COLEC12: variants seen among roughly 807,000 people sequenced by gnomAD.
COLEC12 encodes collectin-12.
In COLEC12, 33 loss-of-function variants were observed where a neutral mutation model predicts 71.1. That is an observed-to-expected ratio of 0.46 (90% CI 0.35 to 0.62). The LOEUF (loss-of-function observed/expected upper bound fraction) is 0.62. Ranked by LOEUF, COLEC12 falls within the 20% of genes least tolerant of loss-of-function variation. The pLI, the probability that COLEC12 is intolerant of heterozygous loss-of-function variation, is 0.00. For missense variants in COLEC12, 765 were observed against 916.1 expected, an observed-to-expected ratio of 0.84 and a Z score of 2.13; for synonymous variants, 350 against 353.0, an observed-to-expected ratio of 0.99 and a Z score of 0.10.
chr18:417,065 C>T (rs1319944135), intron 2 of COLEC12, among the ~76,000 whole-genome samples: 1 of 149,360 alleles, frequency 6.7e-6, no homozygotes, highest in African/African-American at 2.5e-5. Context: ...CACACACACA[C>T]TCATTCATCA....
rs370191806 is a variant in COLEC12 at position 333,151 on chromosome 18, T to G, written c.1817-8A>C. 3.8e-6 allele frequency: 6 copies of G among 1,586,192 alleles called. No homozygotes were observed. Among genetic ancestry groups the G allele is most frequent in the Non-Finnish European group, 5.1e-6 (6 of 1,170,476 alleles). On this transcript the variant is annotated splice_region_variant and splice_polypyrimidine_tract_variant and intron_variant, in intron 6 of 9. Transcript: ENST00000400256. ...TCCAGTGAGGCGGGCAGCCTAGGAA[T>G]GCAAAAGTGGAAAACATTGATTAAA...
intron 2 of COLEC12, among the ~76,000 whole-genome samples, chr18:375,398 A>G (rs1199278597): frequency 6.6e-6 from 1 of 152,200 alleles, no homozygotes; most frequent in Non-Finnish European, 1.5e-5. Context: ...TTTACTTAAA[A>G]ACATCATCTT....
intron 2 of COLEC12, among the ~76,000 whole-genome samples, chr18:406,663 G>C (rs1915797074): frequency 6.6e-6 from 1 of 152,146 alleles, no homozygotes; most frequent in Non-Finnish European, 1.5e-5. Context: ...TTTCTTGTGT[G>C]AGATCCAAGA....
chr18:423,431 T>C (rs1269847429), intron 2 of COLEC12, among the ~76,000 whole-genome samples: 1 of 152,178 alleles, frequency 6.6e-6, no homozygotes, highest in Non-Finnish European at 1.5e-5. Flanking sequence ...AAATTCTTCT[T>C]CTTCTTTTTT....
chr18:374,860 T>C (rs1168916361), intron 2 of COLEC12, among the ~76,000 whole-genome samples: 1 of 152,148 alleles, frequency 6.6e-6, no homozygotes, highest in Non-Finnish European at 1.5e-5. Flanking sequence ...TTAAGTAGCA[T>C]CATCAAGACG....
intron 2 of COLEC12, among the ~76,000 whole-genome samples, chr18:414,312 G>A (rs372871250): frequency 5.9e-5 from 9 of 152,130 alleles, no homozygotes; most frequent in East Asian, 1.9e-4. Context: ...AACTTGGGTC[G>A]GGCGCGGTGG....
intron 8 of COLEC12, among the ~76,000 whole-genome samples, chr18:329,292 T>C (rs559639221): frequency 1.8e-4 from 27 of 152,222 alleles, no homozygotes; most frequent in African/African-American, 6.3e-4. Flanking sequence ...AGGCTTAAGA[T>C]TGAATTTCTT....
intron 8 of COLEC12, among the ~76,000 whole-genome samples, chr18:326,673 T>G (rs1913851542): frequency 6.6e-6 from 1 of 152,296 alleles, no homozygotes; most frequent in African/African-American, 2.4e-5. Flanking sequence ...TTTTTTTAAA[T>G]TTATTGAGAC....
intron 2 of COLEC12, among the ~76,000 whole-genome samples, chr18:397,002 C>T (rs1420186022): frequency 6.6e-6 from 1 of 152,168 alleles, no homozygotes; most frequent in Non-Finnish European, 1.5e-5. Context: ...TGTCAAGTGA[C>T]CTGGAATGCC....
chr18:399,226 C>T lies in COLEC12; in HGVS notation c.59-41704G>A, dbSNP rs986662303. 2.4e-4 allele frequency among the ~76,000 whole-genome samples: 36 copies of T among 152,230 alleles called. No homozygotes were observed. The highest frequency in any genetic ancestry group is 8.0e-4 in the African/African-American group (33 of 41,452). On this transcript the variant is annotated intron_variant, in intron 2 of 9. Coordinates refer to ENST00000400256, the MANE Select transcript of COLEC12 (RefSeq NM_130386.3). The surrounding 1 kb of genome is among the most constrained non-coding windows in gnomAD (Gnocchi z 4.0). ...GTCTGAAGTTGAGATTTTTCTGCTA[C>T]GTGGGTCTCAGGCTAAGCGTAAGAT...
intron 2 of COLEC12, among the ~76,000 whole-genome samples, chr18:396,556 C>T (rs1322990680): frequency 6.6e-6 from 1 of 152,254 alleles, no homozygotes; most frequent in African/African-American, 2.4e-5. Context: ...GTTTTCTCCA[C>T]TGAATCTCTT....
In COLEC12 at chr18:494,373, T is replaced by C. The variant is rs1463917227; in HGVS notation, c.7+6135A>G. On this transcript the variant is annotated intron_variant, in intron 1 of 9. Transcript: ENST00000400256. ...GGAAGCAGCAGGTTATAATACAATA[T>C]TACAATTACTAAAACAACTTGAGTT... 4.6e-5 allele frequency among the ~76,000 whole-genome samples: 7 copies of C among 152,206 alleles called. 1 individual carries two copies. The highest frequency in any genetic ancestry group is 1.4e-4 in the African/African-American group (6 of 41,444).
At chr18:401,863 T>A (rs749497295) in intron 2 of COLEC12, among the ~76,000 whole-genome samples, 1 of 152,130 alleles carries the variant, frequency 6.6e-6, no homozygotes. Flanking sequence ...CGCTACATGA[T>A]GATCTGAAAC....
intron 2 of COLEC12, among the ~76,000 whole-genome samples, chr18:438,977 A>G (rs1161688629): frequency 2.6e-5 from 4 of 152,122 alleles, no homozygotes; most frequent in African/African-American, 9.7e-5. Flanking sequence ...AAGCAGAAAT[A>G]ATGATTTTGG....
At chr18:369,385 C>CTTTTTTTTTTTTTTTTTTTTTTTTTTTT (rs55923005) in intron 2 of COLEC12, among the ~76,000 whole-genome samples, 1 of 136,196 alleles carries the variant, frequency 7.3e-6, no homozygotes, top group African/African-American at 2.7e-5. Flanking sequence ...TGATACAGAT[C>CTTTTTTTTTTTTTTTTTTTTTTTTTTTT]TTTTTTTTTT....
At chr18:484,740 CTT>C (rs1050523551) in intron 1 of COLEC12, among the ~76,000 whole-genome samples, 4 of 152,158 alleles carry the variant, frequency 2.6e-5, no homozygotes, top group African/African-American at 9.7e-5. Context: ...CAAAAGTTGA[CTT>C]TAGAATCCTC....
chr18:492,749 T>C (rs1917640824), intron 1 of COLEC12, among the ~76,000 whole-genome samples: 1 of 152,226 alleles, frequency 6.6e-6, no homozygotes, highest in Non-Finnish European at 1.5e-5. Context: ...CTTTTTGTTT[T>C]GAAATCCATT....
intron 2 of COLEC12, among the ~76,000 whole-genome samples, chr18:400,443 AG>A (rs1915659980): frequency 6.6e-6 from 1 of 152,218 alleles, no homozygotes; most frequent in Admixed American, 6.5e-5. Context: ...ACTGTGTTTC[AG>A]TAAAGCAATT....
At chr18:409,574 T>C (rs1915854463) in intron 2 of COLEC12, among the ~76,000 whole-genome samples, 1 of 152,216 alleles carries the variant, frequency 6.6e-6, no homozygotes. Flanking sequence ...AGCATTCCTA[T>C]AGAAAGTACC....
Sources: allele counts gnomAD v4.1 joint callset (sites outside exome capture counted in the v4.1 genomes callset), GRCh38; gene constraint gnomAD v4.1.1; non-coding constraint Gnocchi (gnomAD v3.1); transcripts MANE v1.5; gene names NCBI Gene and HGNC (gene_info 2026-07-23, HGNC 2026-07-21).